Variants in AFAP1L1 observed in about 807,000 individuals in gnomAD.
AFAP1L1 encodes the protein actin filament associated protein 1 like 1.
In AFAP1L1, 77 loss-of-function variants were observed where a neutral mutation model predicts 99.8. The observed-to-expected ratio is 0.77, with a 90% confidence interval of 0.64 to 0.93. AFAP1L1 has a LOEUF of 0.93. Ranked by LOEUF, AFAP1L1 falls within the 40% of genes least tolerant of loss-of-function variation. AFAP1L1 has a pLI of 0.00. For synonymous variants in AFAP1L1, 373 were observed against 395.3 expected, an observed-to-expected ratio of 0.94 and a Z score of 0.67; for missense variants, 893 against 996.8, an observed-to-expected ratio of 0.90 and a Z score of 1.40.
At chr5:149,283,684 A>G (rs973662081) in intron 1 of AFAP1L1, among the ~76,000 whole-genome samples, 3 of 152,248 alleles carry the variant, frequency 2.0e-5, no homozygotes, top group Non-Finnish European at 2.9e-5. Flanking sequence ...AACCAGATTT[A>G]TTCATTTGTA....
At chr5:149,304,554 A>G (rs115870011) in intron 5 of AFAP1L1, among the ~76,000 whole-genome samples, 1,685 of 152,312 alleles carry the variant, frequency 0.011, 5 homozygotes, top group Non-Finnish European at 0.019. Context: ...AAGCAGCTGG[A>G]ATCCTGGGGC....
At chr5:149,278,339 C>T (rs768902236) in intron 1 of AFAP1L1, among the ~76,000 whole-genome samples, 1 of 152,162 alleles carries the variant, frequency 6.6e-6, no homozygotes, top group Non-Finnish European at 1.5e-5. Context: ...ACTGAGAACC[C>T]TCTCTGACGG....
At chr5:149,312,659 C>T (rs1324127023) in intron 9 of AFAP1L1, among the ~76,000 whole-genome samples, 1 of 152,128 alleles carries the variant, frequency 6.6e-6, no homozygotes, top group Non-Finnish European at 1.5e-5. Flanking sequence ...TGTGGTGGCA[C>T]ATGCCTGTAG....
intron 1 of AFAP1L1, among the ~76,000 whole-genome samples, chr5:149,287,456 A>C (rs1177654690): frequency 6.6e-6 from 1 of 152,208 alleles, no homozygotes. Context: ...TGCTTACTCC[A>C]TTATCAAAAA....
chr5:149,305,012 G>A (rs959286057), intron 5 of AFAP1L1, among the ~76,000 whole-genome samples: 1 of 152,216 alleles, frequency 6.6e-6, no homozygotes, highest in African/African-American at 2.4e-5. Context: ...TCTGATCCAG[G>A]CTCTGTCACC....
intron 9 of AFAP1L1, 179 bp downstream of exon 9, chr5:149,312,383 A>G: frequency 1.5e-6 from 1 of 684,220 alleles, no homozygotes; most frequent in South Asian, 1.6e-5. Context: ...TCATGAATGC[A>G]TGAACAAACG....
Position 149,301,877 on chromosome 5 carries a change from A to G in AFAP1L1, c.328-541A>G, listed in dbSNP as rs566402849. ...TTTACATGCTGACAGCAACTGAATGAGGCTGGCACAATTGTTATCCCCATT... is the reference window on the plus strand; with the variant it reads ...TTTACATGCTGACAGCAACTGAATGGGGCTGGCACAATTGTTATCCCCATT... On this transcript the variant is annotated intron_variant, in intron 4 of 18. Coordinates refer to ENST00000296721, the MANE Select transcript of AFAP1L1 (RefSeq NM_152406.4). Among the ~76,000 whole-genome samples, 293 of 152,398 alleles carry G rather than the reference A, an allele frequency of 1.9e-3. 1 individual carries two copies. Among genetic ancestry groups the G allele is most frequent in the African/African-American group, 6.5e-3 (271 of 41,606 alleles).
At chr5:149,278,060 C>G (rs970756400) in intron 1 of AFAP1L1, among the ~76,000 whole-genome samples, 2 of 152,324 alleles carry the variant, frequency 1.3e-5, no homozygotes, top group East Asian at 1.9e-4. Flanking sequence ...CTCCCTCCCA[C>G]CCTCTGCCAA....
At chr5:149,285,354 C>A (rs1755644169) in intron 1 of AFAP1L1, among the ~76,000 whole-genome samples, 1 of 152,166 alleles carries the variant, frequency 6.6e-6, no homozygotes, top group South Asian at 2.1e-4. Flanking sequence ...CATAATGAAC[C>A]CTTACAAGCA....
intron 14 of AFAP1L1, among the ~76,000 whole-genome samples, chr5:149,321,430 A>C (rs1306120213): frequency 5.9e-5 from 9 of 152,186 alleles, no homozygotes; most frequent in Non-Finnish European, 1.2e-4. Flanking sequence ...CTTTATGTAA[A>C]AAAGTTTAGG....
chr5:149,284,584 C>T (rs972918897), intron 1 of AFAP1L1, among the ~76,000 whole-genome samples: 6 of 152,238 alleles, frequency 3.9e-5, no homozygotes, highest in Admixed American at 3.9e-4. Flanking sequence ...TTCACCCTCG[C>T]TCCTTGCCTG....
chr5:149,326,475 G>A (rs1015520917), intron 15 of AFAP1L1, among the ~76,000 whole-genome samples: 4 of 150,786 alleles, frequency 2.7e-5, no homozygotes, highest in African/African-American at 4.9e-5. Flanking sequence ...AGAGGCAGAG[G>A]TTGCAGTGAG....
At chr5:149,339,071 C>A (rs980769407) in intron 18 of AFAP1L1, among the ~76,000 whole-genome samples, 1 of 151,850 alleles carries the variant, frequency 6.6e-6, no homozygotes, top group Admixed American at 6.6e-5. Context: ...TTTAGGCTTT[C>A]TGAACCATAT....
intron 15 of AFAP1L1, 91 bp from the exon 16 acceptor site, chr5:149,329,575 G>A: frequency 1.7e-5 from 21 of 1,259,404 alleles, no homozygotes; most frequent in Non-Finnish European, 2.3e-5. Context: ...CATAGATGGA[G>A]AAGTTGGGGC....
intron 1 of AFAP1L1, among the ~76,000 whole-genome samples, chr5:149,276,219 G>A (rs1267747496): frequency 6.6e-6 from 1 of 152,222 alleles, no homozygotes; most frequent in Non-Finnish European, 1.5e-5. Flanking sequence ...AGCAATTGCT[G>A]TGAATTTGCT....
chr5:149,316,447 C>A, intron 11 of AFAP1L1, 144 bp downstream of exon 11: 1 of 986,532 alleles, frequency 1.0e-6, no homozygotes, highest in Non-Finnish European at 1.5e-6. Flanking sequence ...CTAAGCCCCA[C>A]TCCATTAACA....
intron 1 of AFAP1L1, among the ~76,000 whole-genome samples, chr5:149,292,491 C>T (rs1039439242): frequency 1.2e-4 from 19 of 152,088 alleles, no homozygotes; most frequent in African/African-American, 4.3e-4. Context: ...GGGCACTCAC[C>T]AGGAACAATA....
intron 1 of AFAP1L1, among the ~76,000 whole-genome samples, chr5:149,297,119 G>A (rs1402874917): frequency 2.6e-5 from 4 of 152,316 alleles, no homozygotes; most frequent in African/African-American, 4.8e-5. Context: ...TGTTGAGGGC[G>A]CTAGAGAGGT....
At chr5:149,278,265 G>C (rs1185525017) in intron 1 of AFAP1L1, among the ~76,000 whole-genome samples, 1 of 152,022 alleles carries the variant, frequency 6.6e-6, no homozygotes, top group Non-Finnish European at 1.5e-5. Context: ...CTTCTCAAAT[G>C]GTCAGCAACT....
Sources: allele counts gnomAD v4.1 joint callset (sites outside exome capture counted in the v4.1 genomes callset), GRCh38; gene constraint gnomAD v4.1.1; transcripts MANE v1.5; gene names NCBI Gene and HGNC (gene_info 2026-07-23, HGNC 2026-07-21).